The following NAPA variants were observed in gnomAD, a reference collection of about 807,000 sequenced individuals.
NAPA encodes NSF attachment protein alpha.
A neutral mutation model predicts 48.0 loss-of-function variants in NAPA; 18 were observed. The observed-to-expected ratio is 0.38, with a 90% CI of 0.26 to 0.56. The LOEUF (loss-of-function observed/expected upper bound fraction) is 0.56. Ranked by LOEUF, NAPA falls within the 20% of genes least tolerant of loss-of-function variation. The pLI is 0.77. For missense variants in NAPA, 315 were observed against 385.0 expected (o/e 0.82, Z 1.52); for synonymous variants, 152 against 149.9 (o/e 1.01, Z -0.10).
At position 47,503,408 on chromosome 19, in the gene NAPA, G is replaced by A. The variant is rs111599262; in HGVS notation, c.178+15C>T. On this transcript the variant is annotated intron_variant, in intron 2 of 10. Coordinates refer to ENST00000263354, the MANE Select transcript of NAPA (RefSeq NM_003827.4). Reference sequence around the variant, plus strand: ...AGGAGAGCACCTTGGAGGAGCTCTAGCGGAGATGACATACCACTCCAGTTT... The same window carrying A: ...AGGAGAGCACCTTGGAGGAGCTCTAACGGAGATGACATACCACTCCAGTTT... 5.0e-6 allele frequency: 8 copies of A among 1,609,878 alleles called. No homozygotes were observed. The highest frequency in any genetic ancestry group is 2.7e-5 in the African/African-American group (2 of 74,982).
intron 1 of NAPA, among the ~76,000 whole-genome samples, chr19:47,508,705 G>T (rs909536651): frequency 4.0e-5 from 6 of 151,694 alleles, no homozygotes; most frequent in South Asian, 2.1e-4. Context: ...GTCTCCCTGT[G>T]TTGCCTACAC....
At chr19:47,512,178 AG>A (rs1968816670) in intron 1 of NAPA, among the ~76,000 whole-genome samples, 1 of 152,090 alleles carries the variant, frequency 6.6e-6, no homozygotes, top group African/African-American at 2.4e-5. Context: ...CCTCTCCCCC[AG>A]GAAGCCATTT....
rs534390494 is a variant in NAPA, at chr19:47,490,625, G to C, written c.735+163C>G. On this transcript the variant is annotated intron_variant, in intron 9 of 10. Transcript: ENST00000263354. The stretch of plus-strand genomic sequence containing the variant: ...CCCCGAGTTGTACTTTCTTCATCTG[G>C]AAAATGGAGACTCAAATGGCCAAAC... Among the ~76,000 whole-genome samples the C allele has an allele frequency of 1.0e-4, 15 of 145,858 alleles. No individual in the cohort carries two copies. The South Asian group carries it at 3.0e-3, about 29-fold the overall frequency.
At chr19:47,485,907 G>A (rs185289513), downstream of NAPA, among the ~76,000 whole-genome samples, 36 of 152,326 alleles carry the variant, frequency 2.4e-4, no homozygotes, top group African/African-American at 8.7e-4. Context: ...TCAGCAGTGC[G>A]TTTCCTTCAG....
At chr19:47,507,686 C>T (rs562130995) in intron 1 of NAPA, among the ~76,000 whole-genome samples, 1 of 152,344 alleles carries the variant, frequency 6.6e-6, no homozygotes, top group South Asian at 2.1e-4. Flanking sequence ...GTAAGCCCAC[C>T]TCCTGCACGG....
chr19:47,495,723 C>T, intron 3 of NAPA, 127 bp from the exon 4 acceptor site: 1 of 815,844 alleles, frequency 1.2e-6, no homozygotes, highest in Non-Finnish European at 2.1e-6. Flanking sequence ...TCAGAGCTGC[C>T]AGCGCTGCCA....
At chr19:47,509,150 G>A (rs1968751789) in intron 1 of NAPA, among the ~76,000 whole-genome samples, 1 of 152,058 alleles carries the variant, frequency 6.6e-6, no homozygotes. Context: ...GATTAGAAAT[G>A]ACACATAGTC....
chr19:47,492,726 T>G (rs1968306677), intron 7 of NAPA: 6 of 652,678 alleles, frequency 9.2e-6, no homozygotes, highest in Non-Finnish European at 1.4e-5. Flanking sequence ...GCGAGGGGTG[T>G]GGGAGGGGCA....
chr19:47,509,349 T>TAAAATAAATAAAATA (rs869068004), intron 1 of NAPA, among the ~76,000 whole-genome samples: 17 of 92,150 alleles, frequency 1.8e-4, no homozygotes, highest in African/African-American at 7.5e-4. Flanking sequence ...TAAAATAAAA[T>TAAAATAAATAAAATA]AAATAAAATA....
intron 8 of NAPA, chr19:47,491,071 G>C (rs1322301827): frequency 2.0e-6 from 1 of 489,978 alleles, no homozygotes; most frequent in South Asian, 2.5e-5. Context: ...TGCAGGGAGA[G>C]GTGGGTGGAG....
At chr19:47,492,790 T>G in intron 7 of NAPA, 171 bp downstream of exon 7, 1 of 720,446 alleles carries the variant, frequency 1.4e-6, no homozygotes, top group South Asian at 1.5e-5. Context: ...GTGGAGAACA[T>G]TCAGCCAGGC....
chr19:47,496,798 A>T (rs1277763130), intron 3 of NAPA: 9 of 448,548 alleles, frequency 2.0e-5, no homozygotes, highest in South Asian at 1.4e-4. Context: ...CTGGGCTTTC[A>T]GGGAGTCCAA....
At chr19:47,486,764 A>G, downstream of NAPA, among the ~76,000 whole-genome samples, 1 of 152,198 alleles carries the variant, frequency 6.6e-6, no homozygotes, top group Admixed American at 6.5e-5. Context: ...CTTTGCTGCC[A>G]TTATCAGTGG....
chr19:47,489,824 G>C, intron 9 of NAPA, 63 bp from the exon 10 acceptor site: 1 of 1,567,538 alleles, frequency 6.4e-7, no homozygotes, highest in Non-Finnish European at 8.8e-7. Flanking sequence ...GCCTGGATTA[G>C]ATGAAAGGAC....
intron 1 of NAPA, 122 bp downstream of exon 1, chr19:47,514,721 T>G: frequency 1.1e-6 from 1 of 890,302 alleles, no homozygotes; most frequent in Middle Eastern, 2.2e-4. Context: ...CATGTCACCT[T>G]ATTGCAGGTT....
chr19:47,502,734 G>A (rs2122763246), intron 2 of NAPA, among the ~76,000 whole-genome samples: 1 of 152,320 alleles, frequency 6.6e-6, no homozygotes, highest in East Asian at 1.9e-4. Flanking sequence ...GACTTCTTGG[G>A]CCTGCAGGGA....
downstream of NAPA, among the ~76,000 whole-genome samples, chr19:47,486,011 G>GTT (rs1183183594): frequency 2.0e-5 from 3 of 152,176 alleles, no homozygotes; most frequent in Non-Finnish European, 4.4e-5. Context: ...CCTGTTAAGA[G>GTT]GTTTCCAATC....
At chr19:47,501,613 G>C (rs1968578371) in intron 2 of NAPA, 2 of 152,304 alleles carry the variant, frequency 1.3e-5, no homozygotes, top group African/African-American at 4.8e-5. Flanking sequence ...CATGGGCGGA[G>C]GGCAGAAGAG....
chr19:47,495,347 C>T (rs966801459), intron 4 of NAPA: 7 of 623,624 alleles, frequency 1.1e-5, no homozygotes, highest in African/African-American at 1.8e-5. Context: ...AGTGAGGGGG[C>T]CGTCAGGCTG....
Sources: gnomAD v4.1 joint callset for allele counts (sites outside exome capture counted in the v4.1 genomes callset) on GRCh38, gnomAD v4.1.1 for gene constraint, MANE v1.5 for transcripts, NCBI Gene and HGNC (gene_info 2026-07-23, HGNC 2026-07-21) for gene names.